The following TBC1D5 variants were observed in gnomAD, a reference collection of about 807,000 sequenced individuals.
TBC1D5 encodes the protein TBC1 domain family member 5.
TBC1D5 carries 75 observed loss-of-function variants against 100.3 expected under a neutral mutation model. That is an observed-to-expected ratio of 0.75 (90% CI 0.62 to 0.91). The LOEUF is 0.91. Ranked by LOEUF, TBC1D5 falls within the 40% of genes least tolerant of loss-of-function variation. The pLI, the probability that TBC1D5 is intolerant of heterozygous loss-of-function variation, is 0.00. For synonymous variants in TBC1D5, 323 were observed against 325.6 expected, an observed-to-expected ratio of 0.99 and a Z score of 0.09; for missense variants, 910 against 942.4, an observed-to-expected ratio of 0.97 and a Z score of 0.45.
intron 3 of TBC1D5, among the ~76,000 whole-genome samples, chr3:17,473,001 T>A (rs1161175850): frequency 6.6e-6 from 1 of 152,194 alleles, no homozygotes; most frequent in African/African-American, 2.4e-5. Flanking sequence ...AGAGAAAATA[T>A]ATCACAAAGT....
At chr3:17,195,539 TATGACAAAGCTA>T (rs1245247654) in intron 18 of TBC1D5, among the ~76,000 whole-genome samples, 1 of 152,226 alleles carries the variant, frequency 6.6e-6, no homozygotes, top group Admixed American at 6.5e-5. Context: ...CTGTTTTTCT[TATGACAAAGCTA>T]ATTGATCCGT....
chr3:17,668,138 G>A (rs1410941375), intron 1 of TBC1D5, among the ~76,000 whole-genome samples: 1 of 146,990 alleles, frequency 6.8e-6, no homozygotes, highest in Non-Finnish European at 1.5e-5. Flanking sequence ...TATATATAAA[G>A]GCATTTCACT....
intron 2 of TBC1D5, among the ~76,000 whole-genome samples, chr3:17,567,793 A>C (rs866566397): frequency 6.6e-6 from 1 of 151,702 alleles, no homozygotes; most frequent in African/African-American, 2.4e-5. Flanking sequence ...AAAATAAATT[A>C]CCTAGTCTTC....
chr3:17,669,239 C>T (rs1007684821), intron 1 of TBC1D5, among the ~76,000 whole-genome samples: 6 of 152,166 alleles, frequency 3.9e-5, no homozygotes, highest in African/African-American at 1.4e-4. Flanking sequence ...TCCCCTTCCA[C>T]CATGATTGTA....
intron 2 of TBC1D5, among the ~76,000 whole-genome samples, chr3:17,575,992 A>T (rs1216557541): frequency 6.6e-6 from 1 of 152,058 alleles, no homozygotes; most frequent in East Asian, 1.9e-4. Context: ...TATGCAAGAA[A>T]TTTTTCCTCA....
chr3:17,385,738 T>G (rs1238983260), intron 8 of TBC1D5, among the ~76,000 whole-genome samples: 1 of 152,022 alleles, frequency 6.6e-6, no homozygotes, highest in African/African-American at 2.4e-5. Flanking sequence ...AGCCTCTTTT[T>G]GGGGGGCCAG....
intron 10 of TBC1D5, among the ~76,000 whole-genome samples, chr3:17,376,098 C>T (rs958031800): frequency 3.3e-5 from 5 of 152,106 alleles, no homozygotes; most frequent in Admixed American, 6.6e-5. Flanking sequence ...GACTGAGGTT[C>T]TTTGTGGCTC....
intron 4 of TBC1D5, among the ~76,000 whole-genome samples, chr3:17,411,879 A>G (rs564409455): frequency 9.9e-5 from 15 of 152,162 alleles, no homozygotes; most frequent in Admixed American, 2.6e-4. Context: ...GGGTACTTAC[A>G]GTTCTAATTA....
intron 4 of TBC1D5, among the ~76,000 whole-genome samples, chr3:17,410,357 TG>T (rs2093890534): frequency 6.6e-6 from 1 of 152,200 alleles, no homozygotes. Flanking sequence ...CCAAGAGCTC[TG>T]ATGGATATGT....
chr3:17,535,713 C>T (rs754582609), intron 2 of TBC1D5, among the ~76,000 whole-genome samples: 19 of 151,824 alleles, frequency 1.3e-4, no homozygotes, highest in African/African-American at 1.9e-4. Context: ...AAAAAAGTTG[C>T]GGGATGGGGA....
chr3:17,258,445 C>T (rs189282015), intron 16 of TBC1D5, 61 bp downstream of exon 16: 2 of 1,499,222 alleles, frequency 1.3e-6, no homozygotes, highest in African/African-American at 2.8e-5. Context: ...TGTAAAATTT[C>T]CTGATGATCT....
chr3:17,551,873 A>C (rs893079670), intron 2 of TBC1D5, among the ~76,000 whole-genome samples: 6 of 152,174 alleles, frequency 3.9e-5, no homozygotes, highest in African/African-American at 7.2e-5. Flanking sequence ...GTATTAAAAT[A>C]AGGCATAATG....
intron 2 of TBC1D5, among the ~76,000 whole-genome samples, chr3:17,509,457 G>C (rs1210346619): frequency 1.3e-5 from 2 of 151,920 alleles, no homozygotes; most frequent in Non-Finnish European, 2.9e-5. Flanking sequence ...GTACCTAATA[G>C]AACAATTCAT....
rs192316221 is a variant in TBC1D5, at chr3:17,213,297, C to T, written c.1752+910G>A. 3.7e-3 allele frequency among the ~76,000 whole-genome samples: 563 copies of T among 152,238 alleles called. 1 individual carries two copies. The highest frequency in any genetic ancestry group is 6.0e-3 in the South Asian group (29 of 4,818). On this transcript the variant is annotated intron_variant, in intron 18 of 21. Coordinates refer to ENST00000253692, the Ensembl canonical transcript of TBC1D5. ...ATAAGTACACTCTATGATGTTTGCA[C>T]TATGATGAAATTGCGTAACAACACA...
At chr3:17,540,020 T>C (rs1350196927) in intron 2 of TBC1D5, among the ~76,000 whole-genome samples, 1 of 152,244 alleles carries the variant, frequency 6.6e-6, no homozygotes, top group Non-Finnish European at 1.5e-5. Context: ...TTGTTTGATG[T>C]TGATAGTAGC....
rs572406202 is a variant in TBC1D5, at chr3:17,397,248, A to C, written c.509+5933T>G. Among the ~76,000 whole-genome samples, 6 of 152,264 alleles carry C rather than the reference A, an allele frequency of 3.9e-5. No homozygotes were observed. In the South Asian group the frequency reaches 1.2e-3, roughly 32 times the overall value. ...AAGGTGTGTTTTAATTGAGGAGACAAAGTTTGCTTGCAAAATATCAAATTA... is the reference window on the plus strand; with the variant it reads ...AAGGTGTGTTTTAATTGAGGAGACACAGTTTGCTTGCAAAATATCAAATTA... On this transcript the variant is annotated intron_variant, in intron 8 of 21. Coordinates refer to ENST00000253692, the Ensembl canonical transcript of TBC1D5.
chr3:17,600,264 G>A (rs2153588252), intron 2 of TBC1D5, among the ~76,000 whole-genome samples: 1 of 152,220 alleles, frequency 6.6e-6, no homozygotes, highest in East Asian at 1.9e-4. Flanking sequence ...GGTGATAGGT[G>A]TATATAAACC....
intron 12 of TBC1D5, among the ~76,000 whole-genome samples, chr3:17,374,145 T>A (rs1411536364): frequency 3.3e-5 from 5 of 152,096 alleles, no homozygotes; most frequent in Non-Finnish European, 7.4e-5. Flanking sequence ...AGATTCTACC[T>A]ATGCACTTCA....
chr3:17,319,663 G>A (rs1351914111), intron 13 of TBC1D5, among the ~76,000 whole-genome samples: 2 of 151,998 alleles, frequency 1.3e-5, no homozygotes, highest in African/African-American at 4.8e-5. Flanking sequence ...AAGGTCAGGA[G>A]ATCAAGACCA....
Sources: gnomAD v4.1 joint callset for allele counts (sites outside exome capture counted in the v4.1 genomes callset) on GRCh38, gnomAD v4.1.1 for gene constraint, MANE v1.5 for transcripts, NCBI Gene and HGNC (gene_info 2026-07-23, HGNC 2026-07-21) for gene names.